The following TMEM65 variants were observed in gnomAD, a reference collection of about 807,000 sequenced individuals.
TMEM65 encodes the protein transmembrane protein 65.
A neutral mutation model predicts 25.4 loss-of-function variants in TMEM65; 22 were observed. That is an observed-to-expected ratio of 0.86 (90% CI 0.62 to 1.23). The LOEUF (loss-of-function observed/expected upper bound fraction) is 1.23. Among genes scored for constraint, TMEM65 ranks in the 50% most tolerant of loss-of-function variants. The pLI is 0.00. For missense variants in TMEM65, 262 were observed against 308.2 expected, an observed-to-expected ratio of 0.85 and a Z score of 1.12; for synonymous variants, 132 against 126.2, an observed-to-expected ratio of 1.05 and a Z score of -0.31.
chr8:124,363,651 A>C lies in TMEM65; in HGVS notation c.304+8203T>G, dbSNP rs889222238. On this transcript the variant is annotated intron_variant, in intron 1 of 6. Coordinates refer to ENST00000297632, the MANE Select transcript of TMEM65 (RefSeq NM_194291.3). ...AGGAGATCGAGACCATCCCAGCTAA[A>C]ACGGTGAAACCCCGTCTCTACTAAA... Among the ~76,000 whole-genome samples, 19 of 151,818 alleles carry C rather than the reference A, an allele frequency of 1.3e-4. No homozygotes were observed. The East Asian group carries it at 3.7e-3, about 29-fold the overall frequency.
At chr8:124,315,479 G>A (rs1380206545) in intron 6 of TMEM65, among the ~76,000 whole-genome samples, 1 of 151,666 alleles carries the variant, frequency 6.6e-6, no homozygotes, top group African/African-American at 2.4e-5. Context: ...CCACCACCAC[G>A]CCCGGCTAAT....
intron 1 of TMEM65, among the ~76,000 whole-genome samples, chr8:124,341,873 A>T (rs375792836): frequency 4.5e-4 from 69 of 151,976 alleles, no homozygotes; most frequent in African/African-American, 1.1e-3. Flanking sequence ...CCCTTGAAAC[A>T]TCTCGTATAT....
At chr8:124,350,629 T>C (rs1211685934) in intron 1 of TMEM65, among the ~76,000 whole-genome samples, 2 of 152,074 alleles carry the variant, frequency 1.3e-5, no homozygotes, top group Non-Finnish European at 2.9e-5. Flanking sequence ...TTCAAAAATA[T>C]ATTTTTAAAA....
intron 1 of TMEM65, among the ~76,000 whole-genome samples, chr8:124,356,706 TTTTTTA>T (rs1303426930): frequency 7.9e-5 from 12 of 152,084 alleles, no homozygotes; most frequent in African/African-American, 2.7e-4. Flanking sequence ...AGATCACTCT[TTTTTTA>T]TTTTTATTTT....
intron 3 of TMEM65, among the ~76,000 whole-genome samples, chr8:124,324,240 G>C (rs116389903): frequency 3.9e-5 from 6 of 151,944 alleles, no homozygotes; most frequent in African/African-American, 1.2e-4. Context: ...GGAAAAAAAC[G>C]CCCTGTATTT....
At chr8:124,330,873 A>G in intron 1 of TMEM65, 81 bp from the exon 2 acceptor site, 3 of 1,289,560 alleles carry the variant, frequency 2.3e-6, no homozygotes, top group Admixed American at 2.3e-5. Context: ...AAAATACCAG[A>G]AGATTTACAA....
At chr8:124,331,085 T>C (rs1378663183) in intron 1 of TMEM65, among the ~76,000 whole-genome samples, 1 of 151,868 alleles carries the variant, frequency 6.6e-6, no homozygotes, top group African/African-American at 2.4e-5. Context: ...AGTCCTTACA[T>C]CTAGATAATG....
intron 1 of TMEM65, among the ~76,000 whole-genome samples, chr8:124,335,368 C>T (rs181101657): frequency 5.3e-5 from 8 of 152,074 alleles, no homozygotes; most frequent in Admixed American, 2.0e-4. Context: ...ATTCTTTAGT[C>T]TGAAGGGAAA....
chr8:124,369,497 G>A (rs1017962215), intron 1 of TMEM65, among the ~76,000 whole-genome samples: 6 of 152,116 alleles, frequency 3.9e-5, no homozygotes, highest in Non-Finnish European at 7.4e-5. Flanking sequence ...AGACACACAA[G>A]ATTGCCTATG....
intron 1 of TMEM65, among the ~76,000 whole-genome samples, chr8:124,345,301 G>C (rs1300139999): frequency 6.6e-6 from 1 of 152,174 alleles, no homozygotes; most frequent in Non-Finnish European, 1.5e-5. Context: ...GTGTTGCTGG[G>C]AGGAACTCTC....
chr8:124,339,630 C>T (rs111670542), intron 1 of TMEM65, among the ~76,000 whole-genome samples: 1 of 151,990 alleles, frequency 6.6e-6, no homozygotes, highest in Non-Finnish European at 1.5e-5. Flanking sequence ...GCACATTGAT[C>T]CCTCTGATTT....
intron 1 of TMEM65, among the ~76,000 whole-genome samples, chr8:124,349,202 T>C (rs1357234812): frequency 6.6e-6 from 1 of 152,206 alleles, no homozygotes; most frequent in Non-Finnish European, 1.5e-5. Flanking sequence ...TATGTGCATA[T>C]ATAAAACATT....
rs891673793 is a variant in TMEM65 at position 124,309,183 on chromosome 8, C to A, written c.*4777G>T. The A allele has an allele frequency of 6.6e-6, 1 of 152,134 alleles. No individual in the cohort carries two copies. The highest frequency in any genetic ancestry group is 2.4e-5 in the African/African-American group (1 of 41,422). The allele number at this position is 152,134 out of a possible 1,614,324, so 9.4% of individuals were successfully genotyped here. On this transcript the variant is annotated 3_prime_UTR_variant, in exon 7 of 7. Coordinates refer to ENST00000297632, the MANE Select transcript of TMEM65 (RefSeq NM_194291.3). ...TATGATACATATAACATACAAAATA[C>A]GTGTTAATCTACTGCTTATTTATCA... is the stretch of plus-strand genomic sequence containing the variant.
chr8:124,332,383 T>A (rs1814442884), intron 1 of TMEM65, among the ~76,000 whole-genome samples: 1 of 152,140 alleles, frequency 6.6e-6, no homozygotes, highest in African/African-American at 2.4e-5. Context: ...AAGCAGGACC[T>A]CCCCAGTAGA....
At chr8:124,338,993 A>AGCCTG (rs1814546429) in intron 1 of TMEM65, among the ~76,000 whole-genome samples, 1 of 151,750 alleles carries the variant, frequency 6.6e-6, no homozygotes, top group Admixed American at 6.6e-5. Flanking sequence ...GTTCCAGACC[A>AGCCTG]GCCTGGCCAA....
chr8:124,314,574 C>T (rs1304415157), intron 6 of TMEM65, among the ~76,000 whole-genome samples: 1 of 152,208 alleles, frequency 6.6e-6, no homozygotes, highest in African/African-American at 2.4e-5. Context: ...AATGTAGACA[C>T]ACATACCAAT....
rs891476590 is a variant in TMEM65 at position 124,307,490 on chromosome 8, T to C, written c.*6470A>G. On this transcript the variant is annotated 3_prime_UTR_variant, in exon 7 of 7. Coordinates refer to ENST00000297632, the MANE Select transcript of TMEM65 (RefSeq NM_194291.3). Reference sequence around the variant, plus strand: ...GAAAATTTATGAAGCCATTACTGCATCTATACCAGCAAACCTTACACTTTT... The same window carrying C: ...GAAAATTTATGAAGCCATTACTGCACCTATACCAGCAAACCTTACACTTTT... 2.6e-5 allele frequency: 4 copies of C among 152,108 alleles called. No homozygotes were observed. The highest frequency in any genetic ancestry group is 9.7e-5 in the African/African-American group (4 of 41,418). The allele number at this position is 152,108 out of a possible 1,614,324, so 9.4% of individuals were successfully genotyped here. A position where few individuals can be genotyped will look rare whatever the true frequency, so the allele number is the denominator to read the frequency against.
chr8:124,322,675 T>A (rs190047274), intron 4 of TMEM65, among the ~76,000 whole-genome samples: 1 of 151,866 alleles, frequency 6.6e-6, no homozygotes, highest in Non-Finnish European at 1.5e-5. Context: ...AAAAAAAAAT[T>A]CTACCCAACT....
Position 124,356,266 on chromosome 8 carries a change from T to G in TMEM65, c.304+15588A>C, listed in dbSNP as rs1440157580. Among the ~76,000 whole-genome samples, 5 of 152,256 alleles carry G rather than the reference T, an allele frequency of 3.3e-5. No homozygotes were observed. In the East Asian group the frequency reaches 9.6e-4, roughly 29 times the overall value. On this transcript the variant is annotated intron_variant, in intron 1 of 6. Transcript: ENST00000297632. Reference sequence around the variant, plus strand: ...AGGCTATATAAGTATGTGGGCCCCATTAGGATAGCGGGTAATCACTCTGTG... The same window carrying G: ...AGGCTATATAAGTATGTGGGCCCCAGTAGGATAGCGGGTAATCACTCTGTG...
Sources: gnomAD v4.1 joint callset for allele counts (sites outside exome capture counted in the v4.1 genomes callset) on GRCh38, gnomAD v4.1.1 for gene constraint, MANE v1.5 for transcripts, NCBI Gene and HGNC (gene_info 2026-07-23, HGNC 2026-07-21) for gene names.